Variants in GPATCH2 observed in about 807,000 individuals in gnomAD.
GPATCH2 encodes the protein G-patch domain containing 2, also known as G patch domain-containing protein 2.
GPATCH2 carries 51 observed loss-of-function variants against 58.0 expected under a neutral mutation model. That is an observed-to-expected ratio of 0.88 (90% confidence interval 0.70 to 1.11). The LOEUF (loss-of-function observed/expected upper bound fraction) is 1.11. GPATCH2 is among the 50% of genes most tolerant of loss of function. The probability of loss-of-function intolerance (pLI) is 0.00; values close to 1 mark genes in which losing one functional copy is unlikely to be tolerated. For missense variants in GPATCH2, 625 were observed against 652.2 expected (o/e 0.96, Z 0.45); for synonymous variants, 222 against 218.5 (o/e 1.02, Z -0.14).
At chr1:217,596,174 G>A (rs66715113) in intron 5 of GPATCH2, among the ~76,000 whole-genome samples, 33,778 of 151,880 alleles carry the variant, frequency 0.22, 4,360 homozygotes, top group East Asian at 0.49. Context: ...CACACTTACA[G>A]TTCAAAAGAT....
chr1:217,597,175 A>T (rs1230087424), intron 5 of GPATCH2, among the ~76,000 whole-genome samples: 1 of 151,954 alleles, frequency 6.6e-6, no homozygotes, highest in Non-Finnish European at 1.5e-5. Context: ...AAAAAAAAAA[A>T]ATTAAAGATT....
chr1:217,428,991 C>G lies in GPATCH2; in HGVS notation c.*2154G>C, dbSNP rs888826849. 2 of 152,254 alleles carry G rather than the reference C, an allele frequency of 1.3e-5. No individual in the cohort carries two copies. Among genetic ancestry groups the G allele is most frequent in the African/African-American group, 4.8e-5 (2 of 41,530 alleles). The allele number at this position is 152,254 out of a possible 1,614,324, so 9.4% of individuals were successfully genotyped here. A position where few individuals can be genotyped will look rare whatever the true frequency, so the allele number is the denominator to read the frequency against. On this transcript the variant is annotated 3_prime_UTR_variant, in exon 10 of 10. Transcript: ENST00000366935. Reference sequence around the variant, plus strand: ...AGGTGAAAAAGAACAGCCAAGTCCTCAGGAGTGTGGAACCAGGCTAACAAT... The same window carrying G: ...AGGTGAAAAAGAACAGCCAAGTCCTGAGGAGTGTGGAACCAGGCTAACAAT...
chr1:217,565,716 T>A (rs952796403), intron 5 of GPATCH2, among the ~76,000 whole-genome samples: 5 of 151,916 alleles, frequency 3.3e-5, no homozygotes, highest in African/African-American at 1.2e-4. Context: ...CTAAGGAATA[T>A]ATTTAAGGCT....
At chr1:217,449,647 G>C (rs988211429) in intron 8 of GPATCH2, among the ~76,000 whole-genome samples, 1 of 152,152 alleles carries the variant, frequency 6.6e-6, no homozygotes, top group Admixed American at 6.5e-5. Flanking sequence ...AAATAGCTAA[G>C]ATTAATTATC....
chr1:217,458,354 A>C (rs1186073235), intron 8 of GPATCH2, among the ~76,000 whole-genome samples: 2 of 152,188 alleles, frequency 1.3e-5, no homozygotes, highest in Admixed American at 6.5e-5. Context: ...CCATATTCCT[A>C]ACCAGCTCAG....
chr1:217,611,363 GA>G (rs759714983), intron 3 of GPATCH2, among the ~76,000 whole-genome samples: 2 of 147,826 alleles, frequency 1.4e-5, no homozygotes, highest in Non-Finnish European at 3.0e-5. Context: ...AATCTATAAG[GA>G]AAACTTTTTA....
At chr1:217,572,937 T>G (rs780263522) in intron 5 of GPATCH2, among the ~76,000 whole-genome samples, 6 of 152,198 alleles carry the variant, frequency 3.9e-5, no homozygotes, top group Non-Finnish European at 7.4e-5. Context: ...AAAAGTAATT[T>G]CCAAATGTAA....
intron 5 of GPATCH2, among the ~76,000 whole-genome samples, chr1:217,537,024 T>A (rs574003099): frequency 6.7e-6 from 1 of 149,610 alleles, no homozygotes; most frequent in South Asian, 2.1e-4. Context: ...TGAGCTTTGA[T>A]AAGTCACTTT....
chr1:217,611,092 C>G (rs753670527), intron 3 of GPATCH2, 21 bp from the exon 4 acceptor site: 5 of 1,589,180 alleles, frequency 3.1e-6, no homozygotes, highest in Non-Finnish European at 3.4e-6. Context: ...ACAAGAAACC[C>G]CCCCCCACCA....
At chr1:217,615,087 CT>C in intron 2 of GPATCH2, among the ~76,000 whole-genome samples, 1 of 151,816 alleles carries the variant, frequency 6.6e-6, no homozygotes, top group East Asian at 1.9e-4. Context: ...GAAATCATCC[CT>C]TTTTTTAATT....
intron 8 of GPATCH2, among the ~76,000 whole-genome samples, chr1:217,485,896 A>T (rs1661431657): frequency 6.6e-6 from 1 of 152,190 alleles, no homozygotes; most frequent in Non-Finnish European, 1.5e-5. Context: ...AAATGTCCTT[A>T]TGTGGTGCAT....
chr1:217,609,520 C>T, intron 5 of GPATCH2: 3 of 984,138 alleles, frequency 3.0e-6, no homozygotes, highest in Non-Finnish European at 2.4e-6. Flanking sequence ...ACAATGAAAG[C>T]TATACTATAA....
At chr1:217,487,420 T>C (rs946726343) in intron 8 of GPATCH2, among the ~76,000 whole-genome samples, 2 of 148,172 alleles carry the variant, frequency 1.3e-5, no homozygotes. Flanking sequence ...CTTGGAAGAG[T>C]ACTTCTTTTT....
chr1:217,522,425 T>C (rs915484492), intron 5 of GPATCH2, among the ~76,000 whole-genome samples: 2 of 152,172 alleles, frequency 1.3e-5, no homozygotes, highest in Non-Finnish European at 2.9e-5. Context: ...CCAATAGTGA[T>C]AGTAAAGAAT....
intron 6 of GPATCH2, among the ~76,000 whole-genome samples, chr1:217,510,322 T>C (rs1022441584): frequency 1.3e-5 from 2 of 152,020 alleles, no homozygotes; most frequent in Admixed American, 6.6e-5. Context: ...TTGAAATATA[T>C]ACATTGGGAC....
intron 5 of GPATCH2, among the ~76,000 whole-genome samples, chr1:217,570,269 G>A (rs1243390871): frequency 6.6e-6 from 1 of 151,926 alleles, no homozygotes; most frequent in East Asian, 1.9e-4. Context: ...ACGCCACCAC[G>A]CCTGGCTAAT....
intron 5 of GPATCH2, among the ~76,000 whole-genome samples, chr1:217,539,261 G>GA (rs35108924): frequency 0.026 from 3,985 of 151,582 alleles, 77 homozygotes; most frequent in East Asian, 0.076. Context: ...ATACCACGTT[G>GA]AAAAAAAATG....
intron 9 of GPATCH2, among the ~76,000 whole-genome samples, chr1:217,435,217 T>C (rs1658761736): frequency 6.6e-6 from 1 of 152,206 alleles, no homozygotes; most frequent in Admixed American, 6.5e-5. Flanking sequence ...AAGGCTCTCC[T>C]GCTCAGGCAG....
At chr1:217,556,276 C>T (rs184185996) in intron 5 of GPATCH2, among the ~76,000 whole-genome samples, 5 of 152,278 alleles carry the variant, frequency 3.3e-5, no homozygotes, top group Admixed American at 1.3e-4. Flanking sequence ...TGTTAACATA[C>T]TCCAAGTGTC....
Sources: allele counts gnomAD v4.1 joint callset (sites outside exome capture counted in the v4.1 genomes callset), GRCh38; gene constraint gnomAD v4.1.1; transcripts MANE v1.5; gene names NCBI Gene and HGNC (gene_info 2026-07-23, HGNC 2026-07-21).